The following MNT variants were observed in gnomAD, a reference collection of about 807,000 sequenced individuals.
The protein encoded by MNT is MAX network transcriptional repressor.
MNT carries 13 observed loss-of-function variants against 40.7 expected under a neutral mutation model. That is an observed-to-expected ratio of 0.32 (90% CI 0.21 to 0.51). The LOEUF (loss-of-function observed/expected upper bound fraction) is 0.51. Ranked by LOEUF, MNT falls within the 20% of genes least tolerant of loss-of-function variation. The pLI is 0.98. For missense variants in MNT, 757 were observed against 792.0 expected, an observed-to-expected ratio of 0.96 and a Z score of 0.53; for synonymous variants, 426 against 354.8, an observed-to-expected ratio of 1.20 and a Z score of -2.26.
intron 4 of MNT, chr17:2,392,623 A>T (rs1300606334): frequency 2.0e-5 from 3 of 152,214 alleles, no homozygotes; most frequent in African/African-American, 7.2e-5. Flanking sequence ...TCCAGAAATA[A>T]GCCACCGGCC....
Position 2,395,191 on chromosome 17 carries a change from G to T in MNT, c.337C>A (p.Pro113Thr). Reference protein sequence around the residue: ...PPPPLPAAAQPLPLAPRQPAL... With the variant: ...PPPPLPAAAQTLPLAPRQPAL... Reference sequence around the variant, plus strand: ...GGCTGACGAGGCGCCAGGGGCAGAGGCTGGGCTGCCGCGGGCAAGGGTGGG... The same window carrying T: ...GGCTGACGAGGCGCCAGGGGCAGAGTCTGGGCTGCCGCGGGCAAGGGTGGG... The change falls in exon 2 of 6, where the codon CCT (proline) becomes ACT (threonine). Residue 113 changes from proline to threonine, a missense_variant. Pro to Thr is a conservative substitution (Grantham distance 38). Coordinates refer to ENST00000174618, the MANE Select transcript of MNT (RefSeq NM_020310.3). The T allele has an allele frequency of 6.8e-7, 1 of 1,463,884 alleles. No individual in the cohort carries two copies. The highest frequency in any genetic ancestry group is 9.0e-7 in the Non-Finnish European group (1 of 1,112,262). The allele number at this position is 1,463,884 out of a possible 1,614,324, so 90.7% of individuals were successfully genotyped here.
At position 2,387,483 on chromosome 17, in the gene MNT, C is replaced by G. The variant is rs938268722; in HGVS notation, c.1167G>C (p.Val389=). 5 of 1,612,006 alleles carry G rather than the reference C, an allele frequency of 3.1e-6. No homozygotes were observed. Among genetic ancestry groups the G allele is most frequent in the Non-Finnish European group, 4.2e-6 (5 of 1,179,208 alleles). Residue 389 remains valine (V), a synonymous_variant, in exon 6 of 6, where the codon GTG becomes GTC. Transcript: ENST00000174618. ...CGGGGAGGTGGGCAGGAGGTAGGGC[C>G]ACGGAGTGGGGGTGAGGGTGTGGGT... ...PPHPHPHPHS[V]ALPPAHLPVQ...
Position 2,387,348 on chromosome 17 carries a change from A to C in MNT, c.1302T>G (p.Ala434=). Residue 434 remains alanine (A), a synonymous_variant, in exon 6 of 6, where the codon GCT becomes GCG. Coordinates refer to ENST00000174618, the MANE Select transcript of MNT (RefSeq NM_020310.3). ...GGGCGATGACCGTGGAGCCACCCCC[A>C]GCCGTCGCCACCAGATGGGCTGGAG... The part of the protein sequence containing the change: ...VPAPAHLVAT[A]GGGSTVIAHT... 6.2e-7 allele frequency: 1 copy of C among 1,612,434 alleles called. No homozygotes were observed. Among genetic ancestry groups the C allele is most frequent in the Non-Finnish European group, 8.5e-7 (1 of 1,179,502 alleles).
chr17:2,392,124 G>A (rs941085779), intron 4 of MNT: 3 of 152,178 alleles, frequency 2.0e-5, no homozygotes, highest in African/African-American at 4.8e-5. Context: ...TCCCTATTAT[G>A]CCCATACGGC....
chr17:2,400,875 G>T lies in MNT; in HGVS notation c.-163C>A, dbSNP rs1393240775. 2.6e-6 allele frequency: 1 copy of T among 389,656 alleles called. No homozygotes were observed. The highest frequency in any genetic ancestry group is 4.5e-6 in the Non-Finnish European group (1 of 222,388). The allele number at this position is 389,656 out of a possible 1,614,324, so 24.1% of individuals were successfully genotyped here. A position where few individuals can be genotyped will look rare whatever the true frequency, so the allele number is the denominator to read the frequency against. ...AGGGAAGAACGGGGGAGCACGGGGA[G>T]AAAAATCAATGTCTCTCAAAATATT... On this transcript the variant is annotated 5_prime_UTR_variant, in exon 1 of 6. Coordinates refer to ENST00000174618, the MANE Select transcript of MNT (RefSeq NM_020310.3).
rs2066473818 is a variant in MNT at position 2,387,356 on chromosome 17, C to T, written c.1294G>A (p.Ala432Thr). ...ACCGTGGAGCCACCCCCAGCCGTCG[C>T]CACCAGATGGGCTGGAGCTGGCACC... Reference protein sequence around the residue: ...TLVPAPAHLVATAGGGSTVIA... With the variant: ...TLVPAPAHLVTTAGGGSTVIA... Residue 432 changes from alanine to threonine, a missense_variant, in exon 6 of 6, where the codon GCG becomes ACG. Around this residue, in one of 4 missense-constraint regions of MNT, gnomAD observed 345 missense variants for 380.1 expected, o/e 0.91. Coordinates refer to ENST00000174618, the MANE Select transcript of MNT (RefSeq NM_020310.3). 1 of 1,612,252 alleles carries T rather than the reference C, an allele frequency of 6.2e-7. No individual in the cohort carries two copies. Among genetic ancestry groups the T allele is most frequent in the African/African-American group, 1.3e-5 (1 of 74,916 alleles).
At chr17:2,387,681 G>T (rs1275111471) in intron 5 of MNT, 32 bp from the exon 6 acceptor site, 1 of 1,609,050 alleles carries the variant, frequency 6.2e-7, no homozygotes, top group Non-Finnish European at 8.5e-7. Flanking sequence ...GAGCAGGTCA[G>T]AAGGGCGGGG....
At position 2,394,275 on chromosome 17, in the gene MNT, A is replaced by ACG. The variant is rs372744565; in HGVS notation, c.695+28_695+29dup. 1,295 of 1,515,780 alleles carry ACG rather than the reference A, an allele frequency of 8.5e-4. 2 individuals are homozygous for ACG. Among genetic ancestry groups the ACG allele is most frequent in the Admixed American group, 1.1e-3 (56 of 52,210 alleles). 93.9% of individuals were successfully genotyped at this position (1,515,780 alleles called of 1,614,324 possible). A position where few individuals can be genotyped will look rare whatever the true frequency, so the allele number is the denominator to read the frequency against. On this transcript the variant is annotated intron_variant, in intron 3 of 5. Coordinates refer to ENST00000174618, the MANE Select transcript of MNT (RefSeq NM_020310.3). Reference sequence around the variant, plus strand: ...GCCCGGGTCGCGCGCGCACGCACGCACGCACACACACACACACACACACAC... The same window carrying ACG: ...GCCCGGGTCGCGCGCGCACGCACGCACGCGCACACACACACACACACACACAC...
rs1338173009 is a variant in MNT at position 2,387,918 on chromosome 17, G to A, written c.939C>T (p.Asp313=). 2 of 1,608,706 alleles carry A rather than the reference G, an allele frequency of 1.2e-6. No homozygotes were observed. The highest frequency in any genetic ancestry group is 4.5e-5 in the East Asian group (2 of 44,848). ...GCTGGCCCGTCTGCCGCAGCACGCG[G>A]TCAATCTCCAGTACGTCCATCCACT... ...LSQWMDVLEI[D]RVLRQTGQPE... Residue 313 remains aspartate (D), a synonymous_variant, in exon 5 of 6, where the codon GAC becomes GAT. Transcript: ENST00000174618.
intron 4 of MNT, among the ~76,000 whole-genome samples, chr17:2,392,992 G>A (rs2066535334): frequency 6.6e-6 from 1 of 152,094 alleles, no homozygotes; most frequent in Non-Finnish European, 1.5e-5. Context: ...GTGACCCCGC[G>A]GTCGAGGCCG....
At position 2,395,317 on chromosome 17, in the gene MNT, C is replaced by T. The variant is rs1357712775; in HGVS notation, c.211G>A (p.Ala71Thr). ...EAPPLPLSPP[A>T]PPPAPPPPLA... Reference sequence around the variant, plus strand: ...GGTGGTGGGGGTGCCGGCGGGGGAGCCGGTGGAGACAGAGGCAGGGGTGGC... The same window carrying T: ...GGTGGTGGGGGTGCCGGCGGGGGAGTCGGTGGAGACAGAGGCAGGGGTGGC... Residue 71 changes from alanine (A) to threonine (T), a missense_variant, in exon 2 of 6, where the codon GCT becomes ACT. Physicochemically the swap from Ala to Thr is moderately conservative, Grantham distance 58. Coordinates refer to ENST00000174618, the MANE Select transcript of MNT (RefSeq NM_020310.3). 24 of 1,603,906 alleles carry T rather than the reference C, an allele frequency of 1.5e-5. No individual in the cohort carries two copies. Among genetic ancestry groups the T allele is most frequent in the Non-Finnish European group, 2.0e-5 (24 of 1,175,496 alleles).
In MNT at chr17:2,395,425, C is replaced by T. The variant is rs763118760; in HGVS notation, c.103G>A (p.Glu35Lys). The part of the protein sequence containing the change: ...EEQERLRLEQ[E>K]REQEQKKANS... ...GCCTTCTTCTGTTCCTGCTCTCGCT[C>T]CTGCTCCAAGCGAAGCCGCTCCTGC... Residue 35 changes from glutamate (E) to lysine (K), a missense_variant, in exon 2 of 6, where the codon GAG (glutamate) becomes AAG (lysine). Transcript: ENST00000174618. 1.2e-6 allele frequency: 2 copies of T among 1,613,062 alleles called. No homozygotes were observed. Among genetic ancestry groups the T allele is most frequent in the Admixed American group, 1.7e-5 (1 of 59,986 alleles).
At position 2,400,864 on chromosome 17, in the gene MNT, G is replaced by A. The variant is rs1385776924; in HGVS notation, c.-152C>T. 8.7e-6 allele frequency: 4 copies of A among 459,016 alleles called. No homozygotes were observed. The highest frequency in any genetic ancestry group is 1.5e-5 in the Non-Finnish European group (4 of 264,870). The allele number at this position is 459,016 out of a possible 1,614,324, so 28.4% of individuals were successfully genotyped here. On this transcript the variant is annotated 5_prime_UTR_variant, in exon 1 of 6. Transcript: ENST00000174618. ...GCGCACTCCGCAGGGAAGAACGGGG[G>A]AGCACGGGGAGAAAAATCAATGTCT...
intron 4 of MNT, 164 bp downstream of exon 4, chr17:2,393,879 C>T (rs2066549329): frequency 1.4e-5 from 5 of 360,700 alleles, no homozygotes; most frequent in Non-Finnish European, 1.9e-5. Flanking sequence ...GGGCAGGGAG[C>T]CCCGCTGACG....
In MNT at chr17:2,394,928, C is replaced by T. The variant is rs778819475; in HGVS notation, c.600G>A (p.Lys200=). The T allele has an allele frequency of 3.5e-5, 57 of 1,607,164 alleles. No homozygotes were observed. Among genetic ancestry groups the T allele is most frequent in the Admixed American group, 1.0e-4 (6 of 59,078 alleles). Reference sequence around the variant, plus strand: ...ATTTGACTTCTTCAGCTGGTGCCAACTTCAGGGTCCCCAGCGTGGGTGGGG... The same window carrying T: ...ATTTGACTTCTTCAGCTGGTGCCAATTTCAGGGTCCCCAGCGTGGGTGGGG... ...QPPPPTLGTL[K]LAPAEEVKSS... is the part of the protein sequence containing the mutation. The change falls in exon 2 of 6, where the codon AAG becomes AAA. Residue 200 remains lysine, a synonymous_variant. Transcript: ENST00000174618.
intron 1 of MNT, among the ~76,000 whole-genome samples, chr17:2,399,920 G>A (rs187450697): frequency 5.3e-5 from 8 of 152,224 alleles, no homozygotes; most frequent in Non-Finnish European, 1.2e-4. Flanking sequence ...GGGCCATTTC[G>A]CAAACGCCCA....
At position 2,400,766 on chromosome 17, in the gene MNT, G is replaced by C. The variant is rs891601140; in HGVS notation, c.-54C>G. The C allele has an allele frequency of 1.4e-5, 20 of 1,464,010 alleles. No homozygotes were observed. Among genetic ancestry groups the C allele is most frequent in the African/African-American group, 3.0e-5 (2 of 67,724 alleles). The allele number at this position is 1,464,010 out of a possible 1,614,324, so 90.7% of individuals were successfully genotyped here. ...GGGCCGAGGCTGCGGCCCGCGAGCC[G>C]GGCACAGGTCAGGCTGGCGGGCAGG... On this transcript the variant is annotated 5_prime_UTR_variant, in exon 1 of 6. Coordinates refer to ENST00000174618, the MANE Select transcript of MNT (RefSeq NM_020310.3).
rs1175644404 is a variant in MNT, at chr17:2,400,586, G to C, written c.73+54C>G. The C allele has an allele frequency of 7.2e-6, 11 of 1,522,998 alleles. No homozygotes were observed. The Admixed American group carries it at 2.3e-4, about 32-fold the overall frequency. The allele number at this position is 1,522,998 out of a possible 1,614,324, so 94.3% of individuals were successfully genotyped here. A position where few individuals can be genotyped will look rare whatever the true frequency, so the allele number is the denominator to read the frequency against. On this transcript the variant is annotated intron_variant, in intron 1 of 5. Transcript: ENST00000174618. ...CGGTTTCGCGTGGGTTCGGGGACCG[G>C]GGTCACTCGCTTCCCCTTCCCCAGT...
At chr17:2,394,757 C>T (rs1021826339) in intron 2 of MNT, 118 bp downstream of exon 2, 2 of 694,552 alleles carry the variant, frequency 2.9e-6, no homozygotes, top group Admixed American at 2.4e-5. Context: ...ACAGTGATGA[C>T]GTGTTCAAAT....
Sources: allele counts gnomAD v4.1 joint callset (sites outside exome capture counted in the v4.1 genomes callset), GRCh38; gene constraint gnomAD v4.1.1; regional missense constraint gnomAD v4.1.1; transcripts MANE v1.5; gene names NCBI Gene and HGNC (gene_info 2026-07-23, HGNC 2026-07-21).